Variants in SPON1 observed in about 807,000 individuals in gnomAD.
SPON1 encodes spondin-1.
In SPON1, 52 loss-of-function variants were observed where a neutral mutation model predicts 111.7. The ratio of observed to expected loss-of-function variants is 0.47; its 90% CI spans 0.37 to 0.59. The LOEUF is 0.59. Among genes scored for constraint, SPON1 ranks in the 20% least tolerant of loss-of-function variants. The probability of loss-of-function intolerance (pLI) is 0.00; values close to 1 mark genes in which losing one functional copy is unlikely to be tolerated. For synonymous variants in SPON1, 410 were observed against 395.8 expected (o/e 1.04, Z -0.43); for missense variants, 957 against 1,068.5 (o/e 0.90, Z 1.46).
At chr11:13,987,856 G>A (rs781812860) in intron 2 of SPON1, among the ~76,000 whole-genome samples, 10 of 152,148 alleles carry the variant, frequency 6.6e-5, no homozygotes, top group Non-Finnish European at 1.5e-4. Context: ...AAGATCAGAT[G>A]GTTGTAGTTG....
chr11:14,143,773 C>T (rs1282560812), intron 6 of SPON1, among the ~76,000 whole-genome samples: 1 of 152,068 alleles, frequency 6.6e-6, no homozygotes, highest in African/African-American at 2.4e-5. Flanking sequence ...CAGCAGAAAC[C>T]CAGAGTTCAG....
chr11:14,075,509 T>C, intron 4 of SPON1, 91 bp downstream of exon 4: 1 of 926,558 alleles, frequency 1.1e-6, no homozygotes. Flanking sequence ...TTAAGGCCCC[T>C]GGGCTTCGTG....
chr11:14,179,030 T>C (rs2133886375), intron 6 of SPON1, among the ~76,000 whole-genome samples: 1 of 145,922 alleles, frequency 6.9e-6, no homozygotes, highest in Admixed American at 7.0e-5. Flanking sequence ...TTCATTGTCC[T>C]TAAACAAAAG....
Position 14,267,165 on chromosome 11 carries a change from T to C in SPON1, c.*1478T>C, listed in dbSNP as rs1258399177. ...ATACAACATAGTATAGTCCTGAATA[T>C]GTACTTTTAACACAAGAGAGACTAT... On this transcript the variant is annotated 3_prime_UTR_variant, in exon 16 of 16. Transcript: ENST00000576479. 5 of 152,220 alleles carry C rather than the reference T, an allele frequency of 3.3e-5. No homozygotes were observed. Among genetic ancestry groups the C allele is most frequent in the African/African-American group, 1.2e-4 (5 of 41,462 alleles). 9.4% of individuals were successfully genotyped at this position (152,220 alleles called of 1,614,324 possible).
At chr11:14,234,476 A>C (rs1352799694) in intron 6 of SPON1, among the ~76,000 whole-genome samples, 1 of 152,214 alleles carries the variant, frequency 6.6e-6, no homozygotes, top group Non-Finnish European at 1.5e-5. Context: ...GGAGCAGCAG[A>C]CTTGTGTGAG....
At chr11:14,017,302 A>G (rs1156796931) in intron 2 of SPON1, among the ~76,000 whole-genome samples, 1 of 152,164 alleles carries the variant, frequency 6.6e-6, no homozygotes, top group Non-Finnish European at 1.5e-5. Flanking sequence ...TCATATTCTA[A>G]AGATCCCCAG....
chr11:14,105,857 C>T (rs2031012), intron 5 of SPON1, among the ~76,000 whole-genome samples: 6 of 152,282 alleles, frequency 3.9e-5, no homozygotes, highest in African/African-American at 1.4e-4. Context: ...TAACACACAC[C>T]TGTATTGGAT....
chr11:14,120,093 A>G (rs1196524549), intron 5 of SPON1, among the ~76,000 whole-genome samples: 3 of 152,148 alleles, frequency 2.0e-5, no homozygotes, highest in African/African-American at 7.2e-5. Context: ...TGGCTCTACC[A>G]TATACTAGCT....
chr11:13,968,192 T>C (rs540663050), intron 1 of SPON1, among the ~76,000 whole-genome samples: 4 of 152,336 alleles, frequency 2.6e-5, no homozygotes, highest in African/African-American at 9.6e-5. Flanking sequence ...ACTCTTACCA[T>C]GTTATATTAG....
intron 1 of SPON1, among the ~76,000 whole-genome samples, chr11:13,966,123 C>G (rs781938599): frequency 1.2e-4 from 18 of 152,130 alleles, no homozygotes; most frequent in Non-Finnish European, 2.4e-4. Flanking sequence ...ATTATTTTGT[C>G]TTTTCCAAGT....
chr11:13,989,529 T>C (rs1848211548), intron 2 of SPON1, among the ~76,000 whole-genome samples: 1 of 152,216 alleles, frequency 6.6e-6, no homozygotes, highest in African/African-American at 2.4e-5. Context: ...GAAGGGTTTT[T>C]CATGTCTCTA....
intron 1 of SPON1, among the ~76,000 whole-genome samples, chr11:13,972,964 G>A (rs527324405): frequency 9.2e-5 from 14 of 152,100 alleles, no homozygotes; most frequent in African/African-American, 2.2e-4. Context: ...TCTGTCCCCC[G>A]TTCCCTCCTT....
At chr11:14,078,537 A>T (rs1343705327) in intron 4 of SPON1, among the ~76,000 whole-genome samples, 1 of 152,132 alleles carries the variant, frequency 6.6e-6, no homozygotes, top group African/African-American at 2.4e-5. Flanking sequence ...TTTCCTATCT[A>T]TGCAGACCTA....
intron 3 of SPON1, among the ~76,000 whole-genome samples, chr11:14,065,568 G>A (rs184359788): frequency 1.3e-5 from 2 of 152,330 alleles, no homozygotes; most frequent in East Asian, 3.9e-4. Context: ...TGGAGAGAAA[G>A]CAGTTGAAGT....
chr11:14,250,625 C>A (rs962815172), intron 7 of SPON1, among the ~76,000 whole-genome samples: 1 of 152,186 alleles, frequency 6.6e-6, no homozygotes, highest in African/African-American at 2.4e-5. Flanking sequence ...GCTAGATCAA[C>A]TCTCTGCTAG....
chr11:13,972,318 G>C (rs146493832), intron 1 of SPON1, among the ~76,000 whole-genome samples: 1 of 152,158 alleles, frequency 6.6e-6, no homozygotes, highest in South Asian at 2.1e-4. Context: ...TTTTCTGGAA[G>C]GCCTGCTTCC....
chr11:14,250,904 T>C (rs1287816899), intron 7 of SPON1, among the ~76,000 whole-genome samples: 3 of 152,222 alleles, frequency 2.0e-5, no homozygotes, highest in African/African-American at 7.2e-5. Context: ...GTTCATTTCT[T>C]AGATTAAGTC....
intron 6 of SPON1, among the ~76,000 whole-genome samples, chr11:14,156,425 T>G (rs1375322810): frequency 7.0e-6 from 1 of 142,764 alleles, no homozygotes; most frequent in African/African-American, 2.6e-5. Flanking sequence ...TTGCAAAAAT[T>G]TTCTCCCATT....
At chr11:14,211,514 A>G (rs1397605657) in intron 6 of SPON1, among the ~76,000 whole-genome samples, 1 of 152,242 alleles carries the variant, frequency 6.6e-6, no homozygotes, top group Non-Finnish European at 1.5e-5. Flanking sequence ...TTCCATGCTC[A>G]TGGATAGGAA....
Sources: allele counts gnomAD v4.1 joint callset (sites outside exome capture counted in the v4.1 genomes callset), GRCh38; gene constraint gnomAD v4.1.1; transcripts MANE v1.5; gene names NCBI Gene and HGNC (gene_info 2026-07-23, HGNC 2026-07-21).